The following ZNF821 variants were observed in gnomAD, a reference collection of about 807,000 sequenced individuals.
ZNF821 encodes zinc finger protein 821.
ZNF821 carries 16 observed loss-of-function variants against 44.3 expected under a neutral mutation model. The observed-to-expected ratio is 0.36, with a 90% CI of 0.24 to 0.55. The LOEUF (loss-of-function observed/expected upper bound fraction) is 0.55, where lower values mean the gene tolerates loss of function less well. ZNF821 is among the 20% of genes least tolerant of loss of function. The probability of loss-of-function intolerance (pLI) is 0.86; values close to 1 mark genes in which losing one functional copy is unlikely to be tolerated. For synonymous variants in ZNF821, 204 were observed against 197.6 expected (o/e 1.03, Z -0.27); for missense variants, 436 against 547.6 (o/e 0.80, Z 2.03).
At chr16:71,872,098 T>C (rs1442072795) in intron 3 of ZNF821, among the ~76,000 whole-genome samples, 1 of 151,910 alleles carries the variant, frequency 6.6e-6, no homozygotes, top group East Asian at 1.9e-4. Context: ...CCCAAAGTGG[T>C]GGGATTACAG....
intron 5 of ZNF821, among the ~76,000 whole-genome samples, chr16:71,864,576 C>T (rs7198834): frequency 0.25 from 38,003 of 152,208 alleles, 4,974 homozygotes; most frequent in Non-Finnish European, 0.28. Flanking sequence ...GACACCTTGA[C>T]TTAGATTTGC....
upstream of ZNF821, among the ~76,000 whole-genome samples, chr16:71,889,398 G>A (rs1441349556): frequency 6.6e-6 from 1 of 151,800 alleles, no homozygotes; most frequent in Non-Finnish European, 1.5e-5. Context: ...AGCCGGGTGC[G>A]GTGGCTCACA....
chr16:71,869,053 G>A (rs981004514), intron 3 of ZNF821, among the ~76,000 whole-genome samples: 4 of 152,094 alleles, frequency 2.6e-5, no homozygotes, highest in African/African-American at 9.7e-5. Context: ...TGGGATCCAT[G>A]AGGCTACTGA....
At chr16:71,880,827 A>C (rs1003327886) in intron 2 of ZNF821, among the ~76,000 whole-genome samples, 8 of 152,210 alleles carry the variant, frequency 5.3e-5, no homozygotes, top group African/African-American at 1.7e-4. Context: ...CAAAGAGAAC[A>C]GTGGGAGGAA....
chr16:71,894,559 T>C, intron 1 of ZNF821: 1 of 311,840 alleles, frequency 3.2e-6, no homozygotes, highest in South Asian at 4.8e-5. Flanking sequence ...TTTCTTTTTT[T>C]CTGTAGCCTA....
intron 3 of ZNF821, among the ~76,000 whole-genome samples, chr16:71,875,838 A>T (rs1267049736): frequency 1.3e-5 from 2 of 152,158 alleles, no homozygotes; most frequent in Non-Finnish European, 2.9e-5. Context: ...ACCTCAGGTG[A>T]TCCGCCCACC....
rs1267272157 is a variant in ZNF821, at chr16:71,883,981, G to C, written c.-214C>G. ...CGGACAGACGGACCGCCGGACAATG[G>C]ACCCGGGACCGCAGCCCAAGCCAGC... On this transcript the variant is annotated 5_prime_UTR_variant, in exon 1 of 8. Coordinates refer to ENST00000425432, the MANE Select transcript of ZNF821 (RefSeq NM_001201552.2). 2.0e-5 allele frequency: 3 copies of C among 152,094 alleles called. No homozygotes were observed. Among genetic ancestry groups the C allele is most frequent in the Admixed American group, 6.5e-5 (1 of 15,284 alleles). 9.4% of individuals were successfully genotyped at this position (152,094 alleles called of 1,614,324 possible). A position where few individuals can be genotyped will look rare whatever the true frequency, so the allele number is the denominator to read the frequency against.
At chr16:71,875,121 C>A (rs1299571016) in intron 3 of ZNF821, among the ~76,000 whole-genome samples, 1 of 152,146 alleles carries the variant, frequency 6.6e-6, no homozygotes, top group Non-Finnish European at 1.5e-5. Flanking sequence ...CACAGCCCCG[C>A]AGTAAAGGCC....
At chr16:71,894,625 A>G in intron 1 of ZNF821, 1 of 517,638 alleles carries the variant, frequency 1.9e-6, no homozygotes, top group South Asian at 2.2e-5. Flanking sequence ...TTCTGGGCTC[A>G]AGCGATCTTC....
intron 3 of ZNF821, among the ~76,000 whole-genome samples, chr16:71,876,993 T>C (rs1158881443): frequency 6.6e-6 from 1 of 152,172 alleles, no homozygotes; most frequent in East Asian, 1.9e-4. Context: ...AAATCTTCCC[T>C]AAACCACTCA....
intron 1 of ZNF821, chr16:71,883,476 C>G (rs2036639029): frequency 3.5e-6 from 1 of 284,944 alleles, no homozygotes; most frequent in Admixed American, 4.4e-5. Flanking sequence ...CAGACAAACC[C>G]TTAGACAACA....
intron 1 of ZNF821, among the ~76,000 whole-genome samples, chr16:71,891,710 C>T (rs1439549068): frequency 6.6e-6 from 1 of 152,144 alleles, no homozygotes; most frequent in Non-Finnish European, 1.5e-5. Flanking sequence ...CTCATCACTA[C>T]TAAAAATACA....
intron 3 of ZNF821, among the ~76,000 whole-genome samples, chr16:71,869,991 A>C (rs2035005551): frequency 6.6e-6 from 1 of 152,192 alleles, no homozygotes; most frequent in Non-Finnish European, 1.5e-5. Flanking sequence ...GAAGGTTAGA[A>C]GCTTCCTCAG....
chr16:71,869,728 C>G (rs1165872135), intron 3 of ZNF821, among the ~76,000 whole-genome samples: 1 of 152,068 alleles, frequency 6.6e-6, no homozygotes, highest in Non-Finnish European at 1.5e-5. Flanking sequence ...GTCTCAACCT[C>G]GCAGTCTCAA....
At chr16:71,879,064 C>T (rs983666895) in intron 3 of ZNF821, among the ~76,000 whole-genome samples, 3 of 152,164 alleles carry the variant, frequency 2.0e-5, no homozygotes, top group African/African-American at 7.2e-5. Flanking sequence ...AGTACCAAAA[C>T]GCTGTATTCT....
At chr16:71,892,890 C>G (rs1260036000) in intron 1 of ZNF821, among the ~76,000 whole-genome samples, 1 of 151,592 alleles carries the variant, frequency 6.6e-6, no homozygotes, top group East Asian at 1.9e-4. Context: ...CCACCATGCC[C>G]TGCTAATTTT....
At chr16:71,877,617 C>T (rs1275838639) in intron 3 of ZNF821, among the ~76,000 whole-genome samples, 1 of 151,872 alleles carries the variant, frequency 6.6e-6, no homozygotes, top group Non-Finnish European at 1.5e-5. Context: ...ACTAATCTGT[C>T]CTCTCCAATG....
In ZNF821 at chr16:71,860,340, A is replaced by G. The variant is rs768028988; in HGVS notation, c.917T>C (p.Leu306Ser). ...CTCGTCTGTCTCCTGCATGCGCTGC[A>G]AGCGCTTGGCTTCACGGTCCCTCAT... ...RRMRDREAKR[L>S]QRMQETDEQR... Residue 306 changes from leucine (L) to serine (S), a missense_variant, in exon 8 of 8, where the codon TTG becomes TCG. Around this residue, in one of 5 missense-constraint regions of ZNF821, gnomAD observed 72 missense variants for 133.3 expected, o/e 0.54. Transcript: ENST00000425432. This position sits in a 1 kb window ranked among gnomAD's most constrained non-coding sequence, Gnocchi z 7.3. 1 of 1,611,914 alleles carries G rather than the reference A, an allele frequency of 6.2e-7. No homozygotes were observed. The highest frequency in any genetic ancestry group is 1.7e-5 in the Admixed American group (1 of 60,010).
chr16:71,882,338 T>C (rs928504427), intron 2 of ZNF821: 1 of 151,410 alleles, frequency 6.6e-6, no homozygotes, highest in African/African-American at 2.4e-5. Context: ...GATAATCTAT[T>C]GAGGCTAAAT....
Sources: gnomAD v4.1 joint callset for allele counts (sites outside exome capture counted in the v4.1 genomes callset) on GRCh38, gnomAD v4.1.1 for gene constraint, gnomAD v4.1.1 regional missense constraint, Gnocchi (gnomAD v3.1) non-coding constraint, MANE v1.5 for transcripts, NCBI Gene and HGNC (gene_info 2026-07-23, HGNC 2026-07-21) for gene names.